RABGAP1L: variants seen among roughly 807,000 people sequenced by gnomAD.
The protein encoded by RABGAP1L is rab GTPase-activating protein 1-like.
RABGAP1L carries 63 observed loss-of-function variants against 137.7 expected under a neutral mutation model. The observed-to-expected ratio is 0.46, with a 90% CI of 0.37 to 0.56. RABGAP1L has a LOEUF of 0.56. Ranked by LOEUF, RABGAP1L falls within the 20% of genes least tolerant of loss-of-function variation. RABGAP1L has a pLI of 0.00. For synonymous variants in RABGAP1L, 431 were observed against 433.7 expected, an observed-to-expected ratio of 0.99 and a Z score of 0.08; for missense variants, 1,095 against 1,244.0, an observed-to-expected ratio of 0.88 and a Z score of 1.80.
chr1:174,976,902 C>A (rs1275524098), intron 22 of RABGAP1L, among the ~76,000 whole-genome samples: 1 of 152,224 alleles, frequency 6.6e-6, no homozygotes, highest in South Asian at 2.1e-4. Flanking sequence ...TTTTCTACCC[C>A]TGTCAGTCCC....
At chr1:174,710,922 C>T (rs528420005) in intron 17 of RABGAP1L, among the ~76,000 whole-genome samples, 35 of 152,322 alleles carry the variant, frequency 2.3e-4, no homozygotes, top group Middle Eastern at 3.4e-3. Flanking sequence ...GAGCAGGGGG[C>T]GGTGCTCATC....
chr1:174,983,909 C>CTT (rs949788922), intron 24 of RABGAP1L, among the ~76,000 whole-genome samples: 2 of 152,064 alleles, frequency 1.3e-5, no homozygotes, highest in African/African-American at 4.8e-5. Flanking sequence ...TGTATCTTCC[C>CTT]TTTCTGGTCT....
rs562590604 is a variant in RABGAP1L at position 174,868,563 on chromosome 1, CTTA to C, written c.2340+56608_2340+56610del. ...AAGATAAAAATGAACTGTGGAAAAC[CTTA>C]TTATAATATAGTTATGAAGAAGGAT... On this transcript the variant is annotated intron_variant, in intron 19 of 25. Coordinates refer to ENST00000681986, the MANE Select transcript of RABGAP1L (RefSeq NM_001366446.1). Among the ~76,000 whole-genome samples, 1,036 of 152,162 alleles carry C rather than the reference CTTA, an allele frequency of 6.8e-3. 12 individuals carry two copies. Among genetic ancestry groups the C allele is most frequent in the African/African-American group, 0.023 (975 of 41,502 alleles).
At chr1:174,506,873 C>T (rs200187442) in intron 13 of RABGAP1L, among the ~76,000 whole-genome samples, 1 of 152,040 alleles carries the variant, frequency 6.6e-6, no homozygotes, top group East Asian at 1.9e-4. Flanking sequence ...CTTTGAAAGG[C>T]CAATGTGGTT....
chr1:174,942,548 G>A (rs1400204101), intron 19 of RABGAP1L, among the ~76,000 whole-genome samples: 5 of 152,174 alleles, frequency 3.3e-5, no homozygotes, highest in African/African-American at 1.2e-4. Context: ...TAGCTGTGTG[G>A]CCTTGGGCAA....
chr1:174,358,821 A>G (rs932593951), intron 11 of RABGAP1L, among the ~76,000 whole-genome samples: 2 of 152,186 alleles, frequency 1.3e-5, no homozygotes, highest in Non-Finnish European at 2.9e-5. Flanking sequence ...CATTCAGGAA[A>G]TTTTGAATAC....
intron 13 of RABGAP1L, among the ~76,000 whole-genome samples, chr1:174,631,930 G>T (rs1218021035): frequency 6.2e-5 from 7 of 112,102 alleles, no homozygotes; most frequent in Non-Finnish European, 1.3e-4. Context: ...ATTTGATCCT[G>T]TCATTATGAT....
intron 18 of RABGAP1L, among the ~76,000 whole-genome samples, chr1:174,770,032 TAGA>T (rs1685993329): frequency 6.6e-6 from 1 of 152,142 alleles, no homozygotes; most frequent in Non-Finnish European, 1.5e-5. Context: ...GTTACAAAAA[TAGA>T]AGTCTAAACA....
intron 11 of RABGAP1L, among the ~76,000 whole-genome samples, chr1:174,345,954 G>T (rs1231429435): frequency 6.6e-6 from 1 of 152,110 alleles, no homozygotes; most frequent in African/African-American, 2.4e-5. Context: ...GTTTTATCAT[G>T]AAGGGATTTT....
intron 20 of RABGAP1L, among the ~76,000 whole-genome samples, chr1:174,964,099 T>C (rs190056463): frequency 8.5e-5 from 13 of 152,324 alleles, no homozygotes; most frequent in African/African-American, 2.6e-4. Flanking sequence ...ATGGACAACA[T>C]AGATATTTAA....
chr1:174,434,388 G>T (rs1653021781), intron 13 of RABGAP1L, among the ~76,000 whole-genome samples: 1 of 152,014 alleles, frequency 6.6e-6, no homozygotes, highest in Non-Finnish European at 1.5e-5. Context: ...GATGTGCGTG[G>T]GCTGTTTCTG....
At chr1:174,358,548 A>G (rs1036707305) in intron 11 of RABGAP1L, among the ~76,000 whole-genome samples, 9 of 152,164 alleles carry the variant, frequency 5.9e-5, no homozygotes, top group African/African-American at 2.2e-4. Flanking sequence ...GGCCTGTGAC[A>G]CTTTCACATC....
intron 18 of RABGAP1L, among the ~76,000 whole-genome samples, chr1:174,762,901 A>G (rs1489598111): frequency 7.4e-6 from 1 of 134,612 alleles, no homozygotes; most frequent in Non-Finnish European, 1.5e-5. Context: ...TGGAACCTCC[A>G]CCTCCCAGGT....
intron 18 of RABGAP1L, among the ~76,000 whole-genome samples, chr1:174,785,252 C>A (rs756014619): frequency 6.6e-6 from 1 of 152,022 alleles, no homozygotes; most frequent in Non-Finnish European, 1.5e-5. Flanking sequence ...TTAGTAGAGA[C>A]AGGGTTTCAC....
rs1685176653 is a variant in RABGAP1L at position 174,761,008 on chromosome 1, GATAATTGTA to G, written c.2211+8655_2211+8663del. On this transcript the variant is annotated intron_variant, in intron 18 of 25. Coordinates refer to ENST00000681986, the MANE Select transcript of RABGAP1L (RefSeq NM_001366446.1). The surrounding 1 kb of genome is among the most constrained non-coding windows in gnomAD (Gnocchi z 4.0). ...AATTATTTTCTAGCAAGAGACAGTT[GATAATTGTA>G]TTAGTTCATTTTCACACTGCTGATA... is the stretch of plus-strand genomic sequence containing the variant. 6.6e-6 allele frequency among the ~76,000 whole-genome samples: 1 copy of G among 152,188 alleles called. No individual in the cohort carries two copies. The highest frequency in any genetic ancestry group is 2.1e-4 in the South Asian group (1 of 4,830).
chr1:174,910,860 T>C (rs898200482), intron 19 of RABGAP1L, among the ~76,000 whole-genome samples: 12 of 152,250 alleles, frequency 7.9e-5, no homozygotes, highest in Non-Finnish European at 1.8e-4. Context: ...TATATTTAAC[T>C]ATTAAGGAAC....
At chr1:174,666,026 T>G (rs903724347) in intron 14 of RABGAP1L, among the ~76,000 whole-genome samples, 4 of 152,266 alleles carry the variant, frequency 2.6e-5, no homozygotes, top group Admixed American at 1.3e-4. Flanking sequence ...ATCATGATTT[T>G]TGTCACTCTG....
At chr1:174,691,305 C>A (rs1451838801) in intron 15 of RABGAP1L, among the ~76,000 whole-genome samples, 1 of 152,114 alleles carries the variant, frequency 6.6e-6, no homozygotes, top group Non-Finnish European at 1.5e-5. Context: ...TCAAAAAATA[C>A]CTTGATGTAA....
chr1:174,957,310 A>G (rs1668633833), intron 19 of RABGAP1L, 147 bp from the exon 20 acceptor site: 3 of 628,184 alleles, frequency 4.8e-6, no homozygotes, highest in East Asian at 2.9e-5. Context: ...AAGTTTGCCA[A>G]CCTCTACTCT....
Sources: allele counts gnomAD v4.1 joint callset (sites outside exome capture counted in the v4.1 genomes callset), GRCh38; gene constraint gnomAD v4.1.1; non-coding constraint Gnocchi (gnomAD v3.1); transcripts MANE v1.5; gene names NCBI Gene and HGNC (gene_info 2026-07-23, HGNC 2026-07-21).